The following MYRIP variants were observed in gnomAD, a reference collection of about 807,000 sequenced individuals.
MYRIP encodes rab effector MyRIP.
In MYRIP, 49 loss-of-function variants were observed where a neutral mutation model predicts 98.0. The observed-to-expected ratio is 0.50, with a 90% CI of 0.40 to 0.63. MYRIP has a LOEUF of 0.63. MYRIP is among the 30% of genes least tolerant of loss of function. The pLI is 0.00. For synonymous variants in MYRIP, 404 were observed against 409.5 expected, an observed-to-expected ratio of 0.99 and a Z score of 0.16; for missense variants, 1,004 against 1,058.2, an observed-to-expected ratio of 0.95 and a Z score of 0.71.
At chr3:40,082,711 A>G (rs1248545868) in intron 3 of MYRIP, among the ~76,000 whole-genome samples, 2 of 152,218 alleles carry the variant, frequency 1.3e-5, no homozygotes, top group Non-Finnish European at 2.9e-5. Flanking sequence ...ACAAAAACAG[A>G]AACTAACTTT....
At chr3:39,889,981 A>T (rs1943441816) in intron 1 of MYRIP, among the ~76,000 whole-genome samples, 1 of 152,270 alleles carries the variant, frequency 6.6e-6, no homozygotes, top group Non-Finnish European at 1.5e-5. Flanking sequence ...GTTGTAAAAA[A>T]TCTAAAATTT....
chr3:40,063,374 G>A (rs1948059050), intron 3 of MYRIP, among the ~76,000 whole-genome samples: 1 of 152,154 alleles, frequency 6.6e-6, no homozygotes, highest in African/African-American at 2.4e-5. Flanking sequence ...TTATGTAAGA[G>A]AGTGTCCTTG....
At chr3:40,196,893 A>C (rs979118201) in intron 10 of MYRIP, among the ~76,000 whole-genome samples, 1 of 152,092 alleles carries the variant, frequency 6.6e-6, no homozygotes, top group Non-Finnish European at 1.5e-5. Flanking sequence ...TACATCTGTC[A>C]TCTCACTCTC....
chr3:40,029,462 G>C (rs775070564), intron 2 of MYRIP, among the ~76,000 whole-genome samples: 1 of 152,188 alleles, frequency 6.6e-6, no homozygotes, highest in Non-Finnish European at 1.5e-5. Flanking sequence ...ATGTAAGCCA[G>C]CTAAAGGTGC....
chr3:39,826,527 A>G (rs1941272155), intron 1 of MYRIP, among the ~76,000 whole-genome samples: 1 of 152,138 alleles, frequency 6.6e-6, no homozygotes, highest in Admixed American at 6.6e-5. Flanking sequence ...TGTATTTAAT[A>G]TGATGTTTTA....
Position 40,126,192 on chromosome 3 carries a change from C to T in MYRIP, c.333-24856C>T, listed in dbSNP as rs1949522950. Among the ~76,000 whole-genome samples, 3 of 152,212 alleles carry T rather than the reference C, an allele frequency of 2.0e-5. No homozygotes were observed. In the South Asian group the frequency reaches 6.2e-4, roughly 31 times the overall value. On this transcript the variant is annotated intron_variant, in intron 3 of 16. Transcript: ENST00000302541. The stretch of plus-strand genomic sequence containing the variant: ...TCCTTGGACTCGCAGCATCACATCA[C>T]CTGAGAAGTTATCTGAAATGCCCAT...
intron 3 of MYRIP, among the ~76,000 whole-genome samples, chr3:40,050,830 T>C (rs115688005): frequency 0.011 from 1,631 of 152,168 alleles, 27 homozygotes; most frequent in African/African-American, 0.038. Context: ...ACTGATGACT[T>C]TGAGGGATTC....
intron 3 of MYRIP, among the ~76,000 whole-genome samples, chr3:40,134,037 G>A (rs183940617): frequency 2.0e-5 from 3 of 152,336 alleles, no homozygotes; most frequent in African/African-American, 7.2e-5. Flanking sequence ...AGTGGGTGCA[G>A]GACAGTTGGT....
intron 3 of MYRIP, among the ~76,000 whole-genome samples, chr3:40,136,742 G>A (rs1575567235): frequency 6.6e-6 from 1 of 152,190 alleles, no homozygotes; most frequent in African/African-American, 2.4e-5. Context: ...ACGCAAAACT[G>A]ATCAACTACA....
chr3:39,872,672 A>C (rs574575585), intron 1 of MYRIP, among the ~76,000 whole-genome samples: 19 of 151,912 alleles, frequency 1.3e-4, no homozygotes, highest in South Asian at 6.2e-4. Flanking sequence ...TGAACTCATC[A>C]TTTTTTATGG....
chr3:39,886,967 A>T (rs1943322709), intron 1 of MYRIP, among the ~76,000 whole-genome samples: 3 of 152,018 alleles, frequency 2.0e-5, no homozygotes, highest in Admixed American at 2.0e-4. Context: ...AATGTAAAAG[A>T]ACAGAAATTA....
At chr3:40,033,910 T>A (rs1947317284) in intron 2 of MYRIP, among the ~76,000 whole-genome samples, 1 of 152,000 alleles carries the variant, frequency 6.6e-6, no homozygotes, top group Non-Finnish European at 1.5e-5. Flanking sequence ...CCCTCAGAAA[T>A]AATGCCACAT....
In MYRIP at chr3:39,940,638, T is replaced by G. The variant is rs1365317212; in HGVS notation, c.110+39712T>G. Among the ~76,000 whole-genome samples the G allele has an allele frequency of 2.0e-5, 3 of 152,172 alleles. No homozygotes were observed. In the East Asian group the frequency reaches 5.8e-4, roughly 29 times the overall value. ...AATTATTTTATTTTTTAATGGTACA[T>G]GATTTCTTATTGCTCAAATATTTCA... On this transcript the variant is annotated intron_variant, in intron 2 of 16. Transcript: ENST00000302541.
At chr3:39,829,918 C>A (rs1941390601) in intron 1 of MYRIP, among the ~76,000 whole-genome samples, 1 of 152,102 alleles carries the variant, frequency 6.6e-6, no homozygotes, top group South Asian at 2.1e-4. Context: ...AGTTCTTTAC[C>A]TTTTCTGCTC....
chr3:40,094,685 G>A (rs930461491), intron 3 of MYRIP, among the ~76,000 whole-genome samples: 12 of 152,110 alleles, frequency 7.9e-5, no homozygotes, highest in Non-Finnish European at 1.6e-4. Context: ...AGGCCTCTAT[G>A]GATTACCAGT....
At chr3:40,010,687 C>T (rs1387744559) in intron 2 of MYRIP, among the ~76,000 whole-genome samples, 1 of 152,148 alleles carries the variant, frequency 6.6e-6, no homozygotes, top group Non-Finnish European at 1.5e-5. Context: ...ATTGGTTCTT[C>T]AGCCAGTATG....
At chr3:40,020,382 AT>A (rs757363839) in intron 2 of MYRIP, among the ~76,000 whole-genome samples, 15 of 152,236 alleles carry the variant, frequency 9.9e-5, no homozygotes, top group Non-Finnish European at 1.9e-4. Flanking sequence ...ATTTCTAGAA[AT>A]AGAATTCATA....
intron 3 of MYRIP, among the ~76,000 whole-genome samples, chr3:40,087,749 C>A (rs188699370): frequency 2.6e-5 from 4 of 152,300 alleles, no homozygotes; most frequent in Non-Finnish European, 2.9e-5. Flanking sequence ...CTCTCTGGAT[C>A]CAGAACGAGT....
intron 1 of MYRIP, among the ~76,000 whole-genome samples, chr3:39,872,141 A>G (rs1286360906): frequency 6.6e-6 from 1 of 152,016 alleles, no homozygotes; most frequent in African/African-American, 2.4e-5. Context: ...TTTTCTCCTA[A>G]TGTGAATAGC....
Sources: allele counts gnomAD v4.1 joint callset (sites outside exome capture counted in the v4.1 genomes callset), GRCh38; gene constraint gnomAD v4.1.1; transcripts MANE v1.5; gene names NCBI Gene and HGNC (gene_info 2026-07-23, HGNC 2026-07-21).